ATN1: variants seen among roughly 807,000 people sequenced by gnomAD.
ATN1 encodes the protein atrophin-1.
Under a neutral mutation model 85.8 loss-of-function variants are expected in ATN1, and 19 were observed. The ratio of observed to expected loss-of-function variants is 0.22; its 90% CI spans 0.15 to 0.32. ATN1 has a LOEUF of 0.32. ATN1 is among the 10% of genes least tolerant of loss of function. The pLI, the probability that ATN1 is intolerant of heterozygous loss-of-function variation, is 1.00. For synonymous variants in ATN1, 674 were observed against 657.0 expected, an observed-to-expected ratio of 1.03 and a Z score of -0.39; for missense variants, 1,453 against 1,564.5, an observed-to-expected ratio of 0.93 and a Z score of 1.20.
chr12:6,931,309 T>TGGTG (rs57075767), intron 1 of ATN1, among the ~76,000 whole-genome samples: 2,567 of 150,200 alleles, frequency 0.017, 75 homozygotes, highest in African/African-American at 0.056. Context: ...TCTTTTGCTA[T>TGGTG]GGTGGGTGTT....
At chr12:6,926,900 CCCT>C (rs1415781327), upstream of ATN1, among the ~76,000 whole-genome samples, 1 of 152,042 alleles carries the variant, frequency 6.6e-6, no homozygotes, top group Non-Finnish European at 1.5e-5. Flanking sequence ...CCCAAGTAAA[CCCT>C]CCTCGGCTCT....
At position 6,935,595 on chromosome 12, in the gene ATN1, G is replaced by A. The variant is rs201715319; in HGVS notation, c.328G>A (p.Gly110Arg). The change falls in exon 5 of 10, where the codon GGG (glycine) becomes AGG (arginine). Residue 110 changes from glycine (G) to arginine (R), a missense_variant. Around this residue, in one of 6 missense-constraint regions of ATN1, gnomAD observed 130 missense variants for 158.2 expected, o/e 0.82. Transcript: ENST00000396684. The surrounding 1 kb of genome is among the most constrained non-coding windows in gnomAD (Gnocchi z 5.3). Reference protein sequence around the residue: ...QSPSDLDSLDGRSLNDDGSSD... With the variant: ...QSPSDLDSLDRRSLNDDGSSD... ...TCCCTCCGATCTGGATAGCTTGGAC[G>A]GGCGGAGCCTTAATGATGATGGCAG... 3.1e-6 allele frequency: 5 copies of A among 1,613,760 alleles called. No homozygotes were observed. The highest frequency in any genetic ancestry group is 1.7e-5 in the Admixed American group (1 of 59,986).
rs1314191897 is a variant in ATN1, at chr12:6,933,849, A to G, written c.-153A>G. The stretch of plus-strand genomic sequence containing the variant: ...GGTTTCCTTCTAACAGGTTTCATTG[A>G]AAACAGATCCTGCAAAAGTTCCAGG... On this transcript the variant is annotated 5_prime_UTR_variant, in exon 2 of 10. Transcript: ENST00000396684. The G allele has an allele frequency of 2.0e-5, 17 of 837,914 alleles. No homozygotes were observed. The African/African-American group carries it at 2.6e-4, about 13-fold the overall frequency. 51.9% of individuals were successfully genotyped at this position (837,914 alleles called of 1,614,324 possible). A position where few individuals can be genotyped will look rare whatever the true frequency, so the allele number is the denominator to read the frequency against.
Position 6,932,383 on chromosome 12 carries a change from G to T in ATN1, c.-162-1457G>T, listed in dbSNP as rs139505311. Among the ~76,000 whole-genome samples the T allele has an allele frequency of 9.4e-3, 1,438 of 152,286 alleles. 13 individuals carry two copies. The highest frequency in any genetic ancestry group is 0.032 in the African/African-American group (1,338 of 41,554). On this transcript the variant is annotated intron_variant, in intron 1 of 9. Transcript: ENST00000396684. ...CCTACTGATGTTAGTGGGTTTAAAGGTCAATCACAAGAAGAGCGCACACAC... is the reference window on the plus strand; with the variant it reads ...CCTACTGATGTTAGTGGGTTTAAAGTTCAATCACAAGAAGAGCGCACACAC...
rs782620300 is a variant in ATN1 at position 6,937,179 on chromosome 12, C to T, written c.1912C>T (p.Pro638Ser). 44 of 1,611,174 alleles carry T rather than the reference C, an allele frequency of 2.7e-5. No individual in the cohort carries two copies. The African/African-American group carries it at 5.1e-4, about 19-fold the overall frequency. The change falls in exon 5 of 10, where the codon CCG becomes TCG. Residue 638 changes from proline (P) to serine (S), a missense_variant. Pro to Ser is a moderately conservative substitution (Grantham distance 74, BLOSUM62 -1). Coordinates refer to ENST00000396684, the MANE Select transcript of ATN1 (RefSeq NM_001940.4). The surrounding 1 kb of genome is among the most constrained non-coding windows in gnomAD (Gnocchi z 6.0). The stretch of plus-strand genomic sequence containing the variant: ...AACGGCCTCCCCACCTGGGCCCCCA[C>T]CGTACGGAAAGAGAGCCCCGTCCCC... ...YKTASPPGPP[P>S]YGKRAPSPGA...
chr12:6,939,250 C>G, intron 7 of ATN1, 73 bp downstream of exon 7: 1 of 1,488,150 alleles, frequency 6.7e-7, no homozygotes, highest in South Asian at 1.3e-5. Flanking sequence ...TCTTTCATTC[C>G]TATGGCCAAG....
chr12:6,938,063 G>GCTTGA lies in ATN1; in HGVS notation c.2514_2515insTTGAC (p.Val839LeufsTer3). On this transcript the variant is annotated frameshift_variant, in exon 6 of 10. Transcript: ENST00000396684. LOFTEE classifies it high-confidence loss of function. ...GAGAAGGAGCGCGAGCTTGAACGCAGCGTGGTGAGTGCGTCACTGCCTGCG... is the reference window on the plus strand; with the variant it reads ...GAGAAGGAGCGCGAGCTTGAACGCAGCTTGACGTGGTGAGTGCGTCACTGCCTGCG... The GCTTGA allele has an allele frequency of 6.5e-7, 1 of 1,543,488 alleles. No individual in the cohort carries two copies. The highest frequency in any genetic ancestry group is 2.4e-5 in the East Asian group (1 of 40,818).
rs1555143498 is a variant in ATN1 at position 6,935,905 on chromosome 12, C to T, written c.638C>T (p.Pro213Leu). The part of the protein sequence containing the change: ...SRMFQAPPGA[P>L]PPHPQLYPGG... ...ATGTTCCAGGCTCCTCCTGGGGCCC[C>T]TCCCCCTCACCCACAGCTCTATCCT... is the stretch of plus-strand genomic sequence containing the variant. The change falls in exon 5 of 10, where the codon CCT becomes CTT. Residue 213 changes from proline (P) to leucine (L), a missense_variant. Around this residue, in one of 6 missense-constraint regions of ATN1, gnomAD observed 990 missense variants for 914.8 expected, o/e 1.08. Transcript: ENST00000396684. The surrounding 1 kb of genome is among the most constrained non-coding windows in gnomAD (Gnocchi z 5.3). The T allele has an allele frequency of 1.2e-6, 2 of 1,610,802 alleles. No individual in the cohort carries two copies. Among genetic ancestry groups the T allele is most frequent in the East Asian group, 2.2e-5 (1 of 44,870 alleles).
chr12:6,926,426 C>G (rs1423114629), upstream of ATN1, among the ~76,000 whole-genome samples: 4 of 152,100 alleles, frequency 2.6e-5, no homozygotes, highest in African/African-American at 9.7e-5. Context: ...AACCTCCCCC[C>G]GCTCCCACAT....
At chr12:6,930,653 G>C (rs1945449702) in intron 1 of ATN1, among the ~76,000 whole-genome samples, 1 of 152,028 alleles carries the variant, frequency 6.6e-6, no homozygotes. Context: ...AAAATTAGCC[G>C]GGCGTGGTGG....
In ATN1 at chr12:6,941,676, G is replaced by T. The variant is rs1277024497; in HGVS notation, c.3540-71G>T. On this transcript the variant is annotated intron_variant, in intron 9 of 9. Transcript: ENST00000396684. This position sits in a 1 kb window ranked among gnomAD's most constrained non-coding sequence, Gnocchi z 5.9. ...GAACCCCTCCTCTCCCAACCCCTTC[G>T]GTAAGAGGGGGCAAGGTCAGAGTTG... 4.1e-5 allele frequency: 65 copies of T among 1,588,548 alleles called. 1 individual carries two copies. Among genetic ancestry groups the T allele is most frequent in the Non-Finnish European group, 5.2e-5 (60 of 1,157,090 alleles).
upstream of ATN1, among the ~76,000 whole-genome samples, chr12:6,926,474 A>AT (rs1945399829): frequency 1.5e-5 from 2 of 137,502 alleles, no homozygotes; most frequent in East Asian, 2.1e-4. Context: ...TCCCATCTCC[A>AT]TTTTTTCTTT....
In ATN1 at chr12:6,936,512, A is replaced by G; in HGVS notation, c.1245A>G (p.Pro415=). The G allele has an allele frequency of 3.1e-6, 4 of 1,297,310 alleles. No individual in the cohort carries two copies. The highest frequency in any genetic ancestry group is 2.0e-6 in the Non-Finnish European group (2 of 1,003,862). The allele number at this position is 1,297,310 out of a possible 1,614,324, so 80.4% of individuals were successfully genotyped here. ...GCTACCCCCACTCTTTCCCTCCCCCAACAAGCCTCTCTGTCTCCAATCAGC... is the reference window on the plus strand; with the variant it reads ...GCTACCCCCACTCTTTCCCTCCCCCGACAAGCCTCTCTGTCTCCAATCAGC... The part of the protein sequence containing the change: ...LPSYPHSFPP[P]TSLSVSNQPP... Residue 415 remains proline, a synonymous_variant, in exon 5 of 10, where the codon CCA becomes CCG. Coordinates refer to ENST00000396684, the MANE Select transcript of ATN1 (RefSeq NM_001940.4).
In ATN1 at chr12:6,937,142, A is replaced by G; in HGVS notation, c.1875A>G (p.Pro625=). 1 of 1,611,370 alleles carries G rather than the reference A, an allele frequency of 6.2e-7. No homozygotes were observed. The highest frequency in any genetic ancestry group is 1.1e-5 in the South Asian group (1 of 91,068). The change falls in exon 5 of 10, where the codon CCA becomes CCG. Residue 625 remains proline (P), a synonymous_variant. Coordinates refer to ENST00000396684, the MANE Select transcript of ATN1 (RefSeq NM_001940.4). The surrounding 1 kb of genome is among the most constrained non-coding windows in gnomAD (Gnocchi z 6.0). ...TCATTGCCACCGTGGCTTCCTCGCC[A>G]GCAGGCTACAAAACGGCCTCCCCAC... ...STVIATVASS[P]AGYKTASPPG... is the part of the protein sequence containing the mutation.
chr12:6,941,167 C>T lies in ATN1; in HGVS notation c.3358+144C>T, dbSNP rs1945629786. Reference sequence around the variant, plus strand: ...GGGCATGGGAATAGGAGAGCTGGAGCTCTGCCCAAGAGAAGCACGAGTTTT... The same window carrying T: ...GGGCATGGGAATAGGAGAGCTGGAGTTCTGCCCAAGAGAAGCACGAGTTTT... On this transcript the variant is annotated intron_variant, in intron 8 of 9. Transcript: ENST00000396684. The surrounding 1 kb of genome is among the most constrained non-coding windows in gnomAD (Gnocchi z 5.9). 1.6e-6 allele frequency: 2 copies of T among 1,264,590 alleles called. No homozygotes were observed. Among genetic ancestry groups the T allele is most frequent in the African/African-American group, 1.5e-5 (1 of 66,608 alleles). The allele number at this position is 1,264,590 out of a possible 1,614,324, so 78.3% of individuals were successfully genotyped here. A position where few individuals can be genotyped will look rare whatever the true frequency, so the allele number is the denominator to read the frequency against.
chr12:6,938,973 G>A lies in ATN1; in HGVS notation c.3010G>A (p.Ala1004Thr), dbSNP rs143430914. The A allele has an allele frequency of 1.2e-6, 2 of 1,613,366 alleles. No homozygotes were observed. The highest frequency in any genetic ancestry group is 2.2e-5 in the East Asian group (1 of 44,884). The change falls in exon 7 of 10, where the codon GCG becomes ACG. Residue 1004 changes from alanine (A) to threonine (T), a missense_variant. By Grantham distance (58) the Ala-to-Thr change is moderately conservative (BLOSUM62 0). Coordinates refer to ENST00000396684, the MANE Select transcript of ATN1 (RefSeq NM_001940.4). ...SLGPLERERLALAAGPALRPD... is the reference protein window; with the variant it reads ...SLGPLERERLTLAAGPALRPD... ...GGGGCCCCTGGAGCGAGAACGTCTA[G>A]CGCTGGCAGCTGGGCCAGCCCTGCG...
At position 6,941,031 on chromosome 12, in the gene ATN1, T is replaced by C. The variant is rs781997698; in HGVS notation, c.3358+8T>C. 5 of 1,613,748 alleles carry C rather than the reference T, an allele frequency of 3.1e-6. 1 individual carries two copies. The South Asian group carries it at 5.5e-5, about 18-fold the overall frequency. ...TTCGTCACCAGCTCTTTGGTAAGGA[T>C]GGAAGTTGGGGTAGGCAGCTCCAAT... On this transcript the variant is annotated splice_region_variant and intron_variant, in intron 8 of 9. Transcript: ENST00000396684. The surrounding 1 kb of genome is among the most constrained non-coding windows in gnomAD (Gnocchi z 5.9).
intron 1 of ATN1, among the ~76,000 whole-genome samples, chr12:6,931,018 T>C (rs767633426): frequency 1.3e-5 from 2 of 152,118 alleles, no homozygotes; most frequent in Non-Finnish European, 2.9e-5. Context: ...ATCCCCAGGA[T>C]TACTTGTTCT....
Position 6,936,031 on chromosome 12 carries a change from C to T in ATN1, c.764C>T (p.Pro255Leu), listed in dbSNP as rs1555143547. 6 of 1,580,384 alleles carry T rather than the reference C, an allele frequency of 3.8e-6. No homozygotes were observed. The highest frequency in any genetic ancestry group is 1.2e-5 in the South Asian group (1 of 85,624). The change falls in exon 5 of 10, where the codon CCA becomes CTA. Residue 255 changes from proline to leucine, a missense_variant. Physicochemically the swap from Pro to Leu is moderately conservative, Grantham distance 98 (BLOSUM62 -3). This residue lies in a region of ATN1 where 990 missense variants were observed against 914.8 expected (regional missense o/e 1.08). Transcript: ENST00000396684. ...GGPNGGKQHP[P>L]PTTPISVSSS... ...CCTAATGGGGGTAAGCAGCACCCCC[C>T]ACCCACTACTCCCATTTCAGTATCA...
Sources: gnomAD v4.1 joint callset for allele counts (sites outside exome capture counted in the v4.1 genomes callset) on GRCh38, gnomAD v4.1.1 for gene constraint, gnomAD v4.1.1 regional missense constraint, Gnocchi (gnomAD v3.1) non-coding constraint, MANE v1.5 for transcripts, NCBI Gene and HGNC (gene_info 2026-07-23, HGNC 2026-07-21) for gene names.